GARIN1B: variants seen among roughly 807,000 people sequenced by gnomAD.
GARIN1B encodes golgi associated RAB2 interactor 1B.
At chr7:128,726,882 G>C in the GARIN1B span, 2 of 1,613,124 alleles carry the variant, frequency 1.2e-6, no homozygotes, top group Non-Finnish European at 1.7e-6. Context: ...GTAAGGGAGG[G>C]CACAGGGTAC....
At chr7:128,716,862 T>C in the GARIN1B span, 2 of 1,613,758 alleles carry the variant, frequency 1.2e-6, no homozygotes, top group Non-Finnish European at 1.7e-6. Flanking sequence ...TCCAACACCA[T>C]GGCCCTGGGG....
chr7:128,726,680 C>A, the GARIN1B span: 1 of 504,598 alleles, frequency 2.0e-6, no homozygotes, highest in Non-Finnish European at 3.2e-6. Context: ...TCACACCCAT[C>A]CAATATAGCC....
At chr7:128,719,338 G>C in the GARIN1B span, among the ~76,000 whole-genome samples, 4 of 151,628 alleles carry the variant, frequency 2.6e-5, no homozygotes, top group Non-Finnish European at 5.9e-5. Flanking sequence ...CACCATTGTG[G>C]ATTTTATGGT....
chr7:128,731,040 CA>C, the GARIN1B span: 1 of 1,484,502 alleles, frequency 6.7e-7, no homozygotes, highest in African/African-American at 1.4e-5. Flanking sequence ...TGTGTGCCCA[CA>C]AAAGAGCTTT....
the GARIN1B span, among the ~76,000 whole-genome samples, chr7:128,729,176 G>A: frequency 2.3e-4 from 35 of 152,118 alleles, no homozygotes; most frequent in African/African-American, 8.2e-4. Context: ...TTCGGCGAGG[G>A]AGTGTAGTCT....
At chr7:128,713,647 C>A in the GARIN1B span, among the ~76,000 whole-genome samples, 2 of 152,144 alleles carry the variant, frequency 1.3e-5, no homozygotes, top group Admixed American at 1.3e-4. Context: ...TTGTTTAGAG[C>A]TAAAAAATCC....
At chr7:128,723,072 A>T in the GARIN1B span, 1 of 1,168,356 alleles carries the variant, frequency 8.6e-7, no homozygotes, top group Non-Finnish European at 1.2e-6. Context: ...CTCTGTGAGC[A>T]GCTGGTGTGG....
At chr7:128,717,758 GTT>G in the GARIN1B span, among the ~76,000 whole-genome samples, 39 of 145,578 alleles carry the variant, frequency 2.7e-4, no homozygotes, top group African/African-American at 3.8e-4. Flanking sequence ...GGTTTTTTTT[GTT>G]TTTTTTTTTT....
the GARIN1B span, among the ~76,000 whole-genome samples, chr7:128,717,634 A>T: frequency 2.0e-5 from 3 of 151,594 alleles, no homozygotes; most frequent in African/African-American, 7.3e-5. Flanking sequence ...TTTAATAGAG[A>T]CAGGGTTTCA....
the GARIN1B span, among the ~76,000 whole-genome samples, chr7:128,714,912 G>A: frequency 3.9e-5 from 6 of 152,100 alleles, no homozygotes; most frequent in African/African-American, 9.7e-5. Context: ...CCAGCCTGCC[G>A]CGGCAGAATG....
At chr7:128,715,185 G>T in the GARIN1B span, 3 of 928,318 alleles carry the variant, frequency 3.2e-6, no homozygotes, top group Non-Finnish European at 3.9e-6. Flanking sequence ...AGCAAGTTCC[G>T]GGAGGACTAT....
chr7:128,717,168 C>A, the GARIN1B span, among the ~76,000 whole-genome samples: 1 of 152,044 alleles, frequency 6.6e-6, no homozygotes, highest in East Asian at 1.9e-4. Context: ...AGGACAGAGG[C>A]CAAGTGGGAC....
At chr7:128,726,384 G>A in the GARIN1B span, among the ~76,000 whole-genome samples, 3 of 152,208 alleles carry the variant, frequency 2.0e-5, no homozygotes, top group African/African-American at 7.2e-5. Context: ...GCTTTGTACA[G>A]ACATTTAGCT....
chr7:128,714,204 G>A, the GARIN1B span: 1 of 1,406,006 alleles, frequency 7.1e-7, no homozygotes, highest in Non-Finnish European at 9.7e-7. Context: ...CTCCATGCTT[G>A]TCCTTTGTGT....
chr7:128,719,462 C>T, the GARIN1B span, among the ~76,000 whole-genome samples: 1 of 151,872 alleles, frequency 6.6e-6, no homozygotes, highest in African/African-American at 2.4e-5. Flanking sequence ...TACCCCCTCG[C>T]CCATTTGCAG....
At chr7:128,725,171 A>G in the GARIN1B span, 1 of 175,266 alleles carries the variant, frequency 5.7e-6, no homozygotes, top group African/African-American at 2.4e-5. Context: ...TCTGTTGCCC[A>G]GTATAAAGAA....
the GARIN1B span, among the ~76,000 whole-genome samples, chr7:128,722,572 A>G: frequency 6.6e-6 from 1 of 152,138 alleles, no homozygotes; most frequent in African/African-American, 2.4e-5. Context: ...TTGGGAGGCC[A>G]AGGTGGGCAG....
chr7:128,723,462 C>T, the GARIN1B span: 69 of 1,013,928 alleles, frequency 6.8e-5, no homozygotes, highest in East Asian at 1.1e-3. Flanking sequence ...CCTGTATTCC[C>T]GGCACTTTGG....
the GARIN1B span, chr7:128,731,191 T>C: frequency 1.5e-6 from 2 of 1,357,728 alleles, no homozygotes; most frequent in Non-Finnish European, 2.1e-6. Context: ...TGAGGGATTA[T>C]CGGGATGGAG....
Sources: allele counts gnomAD v4.1 joint callset (sites outside exome capture counted in the v4.1 genomes callset), GRCh38; gene constraint gnomAD v4.1.1; transcripts MANE v1.5; gene names NCBI Gene and HGNC (gene_info 2026-07-23, HGNC 2026-07-21).